The following THRB variants were observed in gnomAD, a reference collection of about 807,000 sequenced individuals.
The protein encoded by THRB is nuclear receptor subfamily 1 group A member 2.
A neutral mutation model predicts 47.8 loss-of-function variants in THRB; 12 were observed. The observed-to-expected ratio is 0.25, with a 90% CI of 0.16 to 0.41. The LOEUF (loss-of-function observed/expected upper bound fraction) is 0.41. Ranked by LOEUF, THRB falls within the 10% of genes least tolerant of loss-of-function variation. The pLI is 1.00. For missense variants in THRB, 348 were observed against 589.2 expected, an observed-to-expected ratio of 0.59 and a Z score of 4.24; for synonymous variants, 218 against 212.2, an observed-to-expected ratio of 1.03 and a Z score of -0.24.
chr3:24,420,868 A>C (rs1025943712), intron 1 of THRB, among the ~76,000 whole-genome samples: 1 of 152,006 alleles, frequency 6.6e-6, no homozygotes, highest in African/African-American at 2.4e-5. Flanking sequence ...GAAGGAATAT[A>C]AATCATTCTG....
chr3:24,332,986 G>A (rs975118502), intron 2 of THRB, among the ~76,000 whole-genome samples: 4 of 152,180 alleles, frequency 2.6e-5, no homozygotes, highest in African/African-American at 9.7e-5. Context: ...TCAGGAGGCT[G>A]AGGCAGGAGA....
intron 5 of THRB, among the ~76,000 whole-genome samples, chr3:24,161,005 C>T (rs891852482): frequency 4.0e-4 from 61 of 152,308 alleles, no homozygotes; most frequent in African/African-American, 1.5e-3. Flanking sequence ...AAGGACATGT[C>T]TTTGACGAGA....
intron 2 of THRB, among the ~76,000 whole-genome samples, chr3:24,330,593 T>G (rs1054564835): frequency 6.6e-6 from 1 of 152,206 alleles, no homozygotes; most frequent in Non-Finnish European, 1.5e-5. Flanking sequence ...GTTTTTCCCA[T>G]GCATGCTTTT....
intron 3 of THRB, among the ~76,000 whole-genome samples, chr3:24,278,757 C>A (rs2054203458): frequency 6.6e-6 from 1 of 152,216 alleles, no homozygotes; most frequent in South Asian, 2.1e-4. Context: ...ATTCCAGTAA[C>A]CAGCACAGCA....
intron 6 of THRB, among the ~76,000 whole-genome samples, chr3:24,151,876 T>C (rs148829150): frequency 6.6e-6 from 1 of 152,290 alleles, no homozygotes; most frequent in East Asian, 1.9e-4. Flanking sequence ...AAAGCCAACT[T>C]GGATAATTTC....
At chr3:24,208,908 C>A (rs2045704097) in intron 4 of THRB, among the ~76,000 whole-genome samples, 1 of 152,142 alleles carries the variant, frequency 6.6e-6, no homozygotes, top group South Asian at 2.1e-4. Context: ...AACAGGCAAC[C>A]TATGGAATGG....
At chr3:24,379,114 G>T (rs1012624282) in intron 1 of THRB, among the ~76,000 whole-genome samples, 4 of 151,996 alleles carry the variant, frequency 2.6e-5, no homozygotes, top group African/African-American at 9.7e-5. Flanking sequence ...GCACTAAACC[G>T]CCTTCGATGC....
chr3:24,150,776 C>A (rs1003918889), intron 6 of THRB, among the ~76,000 whole-genome samples: 1 of 152,114 alleles, frequency 6.6e-6, no homozygotes. Context: ...TCCCAGAATT[C>A]GAAATTTCCC....
chr3:24,382,645 C>A (rs983969762), intron 1 of THRB, among the ~76,000 whole-genome samples: 14 of 151,968 alleles, frequency 9.2e-5, no homozygotes, highest in Non-Finnish European at 1.8e-4. Flanking sequence ...TAGAAAAAAT[C>A]CACATAGATT....
chr3:24,330,082 G>A (rs2061821216), intron 2 of THRB, among the ~76,000 whole-genome samples: 1 of 152,028 alleles, frequency 6.6e-6, no homozygotes, highest in Admixed American at 6.5e-5. Context: ...GAGGCGGGTG[G>A]ATCATGAGGT....
At chr3:24,174,635 T>G (rs1360068421) in intron 5 of THRB, among the ~76,000 whole-genome samples, 3 of 152,234 alleles carry the variant, frequency 2.0e-5, no homozygotes, top group African/African-American at 7.2e-5. Flanking sequence ...CTTTCTACTC[T>G]TATCTCTTGC....
intron 3 of THRB, among the ~76,000 whole-genome samples, chr3:24,235,045 G>A (rs2048720987): frequency 6.6e-6 from 1 of 152,210 alleles, no homozygotes; most frequent in Non-Finnish European, 1.5e-5. Context: ...GGCCTGCTTG[G>A]GAGGCTCACC....
chr3:24,383,934 A>T (rs2065889111), intron 1 of THRB, among the ~76,000 whole-genome samples: 1 of 152,158 alleles, frequency 6.6e-6, no homozygotes, highest in African/African-American at 2.4e-5. Flanking sequence ...AGCTCCTACC[A>T]ACAATTCAAG....
intron 4 of THRB, among the ~76,000 whole-genome samples, chr3:24,191,850 G>A (rs2043389473): frequency 6.6e-6 from 1 of 152,202 alleles, no homozygotes; most frequent in African/African-American, 2.4e-5. Flanking sequence ...CTTTGTCATA[G>A]TAAATGGAAA....
chr3:24,192,201 A>T (rs963765731), intron 4 of THRB, among the ~76,000 whole-genome samples: 1 of 152,172 alleles, frequency 6.6e-6, no homozygotes, highest in African/African-American at 2.4e-5. Flanking sequence ...GAAAGATCGT[A>T]TTGCATTTCG....
chr3:24,485,587 A>C (rs971382983), intron 1 of THRB, among the ~76,000 whole-genome samples: 1 of 152,206 alleles, frequency 6.6e-6, no homozygotes, highest in Non-Finnish European at 1.5e-5. Flanking sequence ...CAAGCTATCA[A>C]GACAAAGTCA....
In THRB at chr3:24,152,326, G is replaced by A. The variant is rs960547812; in HGVS notation, c.384+64C>T. On this transcript the variant is annotated intron_variant, in intron 6 of 10. Coordinates refer to ENST00000646209, the MANE Select transcript of THRB (RefSeq NM_001354712.2). ...AATTTAAACTTAACATTGCATTCTG[G>A]AAGAGGACTGGGAGGGGACTGGAGC... is the stretch of plus-strand genomic sequence containing the variant. 5 of 853,380 alleles carry A rather than the reference G, an allele frequency of 5.9e-6. No homozygotes were observed. The Admixed American group carries it at 7.0e-5, about 12-fold the overall frequency. The allele number at this position is 853,380 out of a possible 1,614,324, so 52.9% of individuals were successfully genotyped here.
chr3:24,479,764 T>C (rs1696088379), intron 1 of THRB, among the ~76,000 whole-genome samples: 1 of 152,188 alleles, frequency 6.6e-6, no homozygotes, highest in South Asian at 2.1e-4. Context: ...GCTGCCCTGC[T>C]GGTAGATGCT....
intron 5 of THRB, among the ~76,000 whole-genome samples, chr3:24,171,446 T>C (rs1434419048): frequency 6.6e-6 from 1 of 152,166 alleles, no homozygotes; most frequent in Admixed American, 6.5e-5. Context: ...TGTTTTATGT[T>C]TTCTTAGGAT....
Sources: allele counts gnomAD v4.1 joint callset (sites outside exome capture counted in the v4.1 genomes callset), GRCh38; gene constraint gnomAD v4.1.1; transcripts MANE v1.5; gene names NCBI Gene and HGNC (gene_info 2026-07-23, HGNC 2026-07-21).